The following GRM7 variants were observed in gnomAD, a reference collection of about 807,000 sequenced individuals.
GRM7 encodes the protein glutamate metabotropic receptor 7.
GRM7 carries 35 observed loss-of-function variants against 84.5 expected under a neutral mutation model. The ratio of observed to expected loss-of-function variants is 0.41; its 90% CI spans 0.32 to 0.55. The LOEUF is 0.55. Ranked by LOEUF, GRM7 falls within the 20% of genes least tolerant of loss-of-function variation. GRM7 has a pLI of 0.19. For synonymous variants in GRM7, 487 were observed against 455.1 expected (o/e 1.07, Z -0.89); for missense variants, 1,003 against 1,194.6 (o/e 0.84, Z 2.36).
chr3:7,363,170 T>C (rs1379347049), intron 4 of GRM7, among the ~76,000 whole-genome samples: 1 of 151,368 alleles, frequency 6.6e-6, no homozygotes, highest in East Asian at 1.9e-4. Context: ...TGAAATAAAA[T>C]ATATAAATAT....
chr3:7,255,566 A>C (rs182451695), intron 2 of GRM7, among the ~76,000 whole-genome samples: 1 of 152,222 alleles, frequency 6.6e-6, no homozygotes, highest in Non-Finnish European at 1.5e-5. Context: ...ATTTGCTTCC[A>C]AATTTTCAGA....
intron 1 of GRM7, among the ~76,000 whole-genome samples, chr3:6,937,712 T>C (rs1409435116): frequency 6.6e-6 from 1 of 152,200 alleles, no homozygotes; most frequent in African/African-American, 2.4e-5. Flanking sequence ...CACCAGTCTT[T>C]AGTCAGCCAC....
rs193088565 is a variant in GRM7 at position 7,424,816 on chromosome 3, G to A, written c.1174+9653G>A. Among the ~76,000 whole-genome samples the A allele has an allele frequency of 7.2e-5, 11 of 152,296 alleles. No individual in the cohort carries two copies. The East Asian group carries it at 2.1e-3, about 29-fold the overall frequency. On this transcript the variant is annotated intron_variant, in intron 5 of 9. Coordinates refer to ENST00000357716, the MANE Select transcript of GRM7 (RefSeq NM_000844.4). The stretch of plus-strand genomic sequence containing the variant: ...CAGATATGGAAAATAATTACAAGTT[G>A]TGATTAGTGCTGTGAAAGAAACAAG...
intron 8 of GRM7, among the ~76,000 whole-genome samples, chr3:7,632,280 A>G (rs1386927643): frequency 1.3e-5 from 2 of 152,300 alleles, no homozygotes; most frequent in East Asian, 3.9e-4. Context: ...TATAGAGACT[A>G]TATTGGCGAG....
At chr3:7,056,336 A>G (rs931243688) in intron 1 of GRM7, among the ~76,000 whole-genome samples, 1 of 151,888 alleles carries the variant, frequency 6.6e-6, no homozygotes, top group Non-Finnish European at 1.5e-5. Flanking sequence ...ATCCATGGCC[A>G]TTATCCTCAG....
chr3:6,986,760 G>C (rs73128521), intron 1 of GRM7, among the ~76,000 whole-genome samples: 7,660 of 152,146 alleles, frequency 0.05, 629 homozygotes, highest in African/African-American at 0.17. Flanking sequence ...CTCATTCTAA[G>C]TTCCACAGCC....
At chr3:6,990,699 C>T (rs989511918) in intron 1 of GRM7, among the ~76,000 whole-genome samples, 4 of 152,196 alleles carry the variant, frequency 2.6e-5, no homozygotes, top group Non-Finnish European at 5.9e-5. Context: ...GTACCTCATT[C>T]TCTTCATGAT....
chr3:7,009,985 C>A (rs749279018), intron 1 of GRM7, among the ~76,000 whole-genome samples: 5 of 152,182 alleles, frequency 3.3e-5, no homozygotes, highest in Non-Finnish European at 7.3e-5. Flanking sequence ...TTTCCCTAAA[C>A]TTGGCATTAA....
At chr3:7,417,013 C>T (rs1696187907) in intron 5 of GRM7, among the ~76,000 whole-genome samples, 1 of 152,012 alleles carries the variant, frequency 6.6e-6, no homozygotes, top group Admixed American at 6.6e-5. Context: ...TGAGGCCACA[C>T]CTCTGACTTC....
intron 7 of GRM7, among the ~76,000 whole-genome samples, chr3:7,550,109 C>G (rs1263405826): frequency 6.6e-6 from 1 of 152,012 alleles, no homozygotes; most frequent in Non-Finnish European, 1.5e-5. Flanking sequence ...CCCCCACCCC[C>G]ACTTAGTAAT....
intron 4 of GRM7, among the ~76,000 whole-genome samples, chr3:7,364,640 C>T (rs1575224038): frequency 2.0e-5 from 3 of 151,364 alleles, no homozygotes; most frequent in Admixed American, 6.6e-5. Context: ...CTCTTTTATA[C>T]TGATAATTCT....
intron 6 of GRM7, among the ~76,000 whole-genome samples, chr3:7,453,609 G>T (rs190063785): frequency 3.3e-5 from 5 of 152,260 alleles, no homozygotes; most frequent in African/African-American, 9.6e-5. Context: ...AGGAGTTTCT[G>T]TCCTCAGGGA....
At chr3:7,504,797 T>G (rs1367163832) in intron 7 of GRM7, among the ~76,000 whole-genome samples, 1 of 152,212 alleles carries the variant, frequency 6.6e-6, no homozygotes. Flanking sequence ...ATACACATTT[T>G]AGCCATAGCA....
At position 6,945,003 on chromosome 3, in the gene GRM7, T is replaced by A. The variant is rs141979955; in HGVS notation, c.519+83096T>A. 2.7e-3 allele frequency among the ~76,000 whole-genome samples: 418 copies of A among 152,262 alleles called. 4 individuals carry two copies. Among genetic ancestry groups the A allele is most frequent in the African/African-American group, 9.4e-3 (391 of 41,580 alleles). On this transcript the variant is annotated intron_variant, in intron 1 of 9. Transcript: ENST00000357716. Reference sequence around the variant, plus strand: ...ATGTTGCCTCTCTCATTTCTGATACTGGTAATTTGTGACTTTCTCTTCCTT... The same window carrying A: ...ATGTTGCCTCTCTCATTTCTGATACAGGTAATTTGTGACTTTCTCTTCCTT...
chr3:7,255,644 C>A (rs2124947513), intron 2 of GRM7, among the ~76,000 whole-genome samples: 1 of 152,262 alleles, frequency 6.6e-6, no homozygotes, highest in East Asian at 1.9e-4. Flanking sequence ...AACCATGTTC[C>A]TATTTATAGA....
intron 1 of GRM7, among the ~76,000 whole-genome samples, chr3:7,099,110 G>C (rs1011874565): frequency 6.6e-6 from 1 of 151,218 alleles, no homozygotes; most frequent in African/African-American, 2.4e-5. Context: ...TGTTATGATT[G>C]AATCAATGAT....
chr3:7,697,297 T>C (rs1360779390), intron 9 of GRM7, among the ~76,000 whole-genome samples: 1 of 152,184 alleles, frequency 6.6e-6, no homozygotes, highest in Non-Finnish European at 1.5e-5. Flanking sequence ...TTTTGTTTTA[T>C]TATGTGCTTG....
intron 2 of GRM7, among the ~76,000 whole-genome samples, chr3:7,183,640 A>G (rs1695419422): frequency 6.6e-6 from 1 of 152,162 alleles, no homozygotes; most frequent in Non-Finnish European, 1.5e-5. Flanking sequence ...TAATAATAAT[A>G]ACAAATAAAT....
chr3:7,655,735 A>G (rs1699151489), intron 8 of GRM7, among the ~76,000 whole-genome samples: 1 of 152,172 alleles, frequency 6.6e-6, no homozygotes, highest in African/African-American at 2.4e-5. Flanking sequence ...ACAGGAAAGA[A>G]ACCCCCTATG....
Sources: gnomAD v4.1 joint callset for allele counts (sites outside exome capture counted in the v4.1 genomes callset) on GRCh38, gnomAD v4.1.1 for gene constraint, MANE v1.5 for transcripts, NCBI Gene and HGNC (gene_info 2026-07-23, HGNC 2026-07-21) for gene names.